NTNG1: variants seen among roughly 807,000 people sequenced by gnomAD.
NTNG1 encodes netrin-G1.
A neutral mutation model predicts 54.0 loss-of-function variants in NTNG1; 16 were observed. The observed-to-expected ratio is 0.30, with a 90% CI of 0.20 to 0.45. The LOEUF is 0.45. Ranked by LOEUF, NTNG1 falls within the 20% of genes least tolerant of loss-of-function variation. The pLI, the probability that NTNG1 is intolerant of heterozygous loss-of-function variation, is 1.00. For synonymous variants in NTNG1, 255 were observed against 263.1 expected, an observed-to-expected ratio of 0.97 and a Z score of 0.30; for missense variants, 530 against 678.7, an observed-to-expected ratio of 0.78 and a Z score of 2.43.
At chr1:107,216,822 C>G (rs1659993851) in intron 2 of NTNG1, among the ~76,000 whole-genome samples, 1 of 152,010 alleles carries the variant, frequency 6.6e-6, no homozygotes, top group African/African-American at 2.4e-5. Context: ...GGACTACAGG[C>G]ATGTACCACC....
chr1:107,148,493 G>T lies in NTNG1; in HGVS notation c.-101G>T, dbSNP rs1295094066. 1 of 1,077,998 alleles carries T rather than the reference G, an allele frequency of 9.3e-7. No homozygotes were observed. 66.8% of individuals were successfully genotyped at this position (1,077,998 alleles called of 1,614,324 possible). ...AATACAGAGACCTACCTACCCGTACGCATACATACATATGTGTATATATAT... is the reference window on the plus strand; with the variant it reads ...AATACAGAGACCTACCTACCCGTACTCATACATACATATGTGTATATATAT... On this transcript the variant is annotated 5_prime_UTR_variant, in exon 2 of 8. Coordinates refer to ENST00000370068, the MANE Select transcript of NTNG1 (RefSeq NM_001113226.3).
intron 3 of NTNG1, among the ~76,000 whole-genome samples, chr1:107,355,759 G>A (rs1669900294): frequency 6.6e-6 from 1 of 151,986 alleles, no homozygotes; most frequent in African/African-American, 2.4e-5. Flanking sequence ...TTTATTTAGG[G>A]TTATCTTTGA....
intron 2 of NTNG1, among the ~76,000 whole-genome samples, chr1:107,322,624 G>C (rs1667720040): frequency 6.6e-6 from 1 of 151,956 alleles, no homozygotes; most frequent in Admixed American, 6.6e-5. Flanking sequence ...TAATAAATTT[G>C]GTGATTTATT....
At chr1:107,247,095 A>G (rs146889474) in intron 2 of NTNG1, among the ~76,000 whole-genome samples, 1 of 152,332 alleles carries the variant, frequency 6.6e-6, no homozygotes, top group East Asian at 1.9e-4. Context: ...CTCTGGTGGA[A>G]GAAGCCGAAA....
intron 2 of NTNG1, among the ~76,000 whole-genome samples, chr1:107,295,150 T>C (rs779366418): frequency 2.0e-5 from 3 of 152,234 alleles, no homozygotes; most frequent in Non-Finnish European, 2.9e-5. Flanking sequence ...GAAGAATCAC[T>C]TGTGCTCTTG....
chr1:107,420,374 G>C (rs1674496092), intron 5 of NTNG1, among the ~76,000 whole-genome samples: 1 of 152,048 alleles, frequency 6.6e-6, no homozygotes, highest in South Asian at 2.1e-4. Context: ...CCAGTTCTAT[G>C]CAGCCATAAT....
chr1:107,142,368 G>C (rs1269828239), intron 1 of NTNG1, among the ~76,000 whole-genome samples: 2 of 151,704 alleles, frequency 1.3e-5, no homozygotes, highest in Non-Finnish European at 2.9e-5. Flanking sequence ...CAGGGCAAGG[G>C]AAGAAAATTC....
intron 2 of NTNG1, among the ~76,000 whole-genome samples, chr1:107,282,722 G>A (rs2101733185): frequency 6.6e-6 from 1 of 152,214 alleles, no homozygotes; most frequent in Non-Finnish European, 1.5e-5. Context: ...CTGTCCTTCA[G>A]TCTCATTCAG....
chr1:107,262,322 T>G (rs1346257608), intron 2 of NTNG1, among the ~76,000 whole-genome samples: 1 of 152,138 alleles, frequency 6.6e-6, no homozygotes, highest in Non-Finnish European at 1.5e-5. Context: ...TGGAGTCTTT[T>G]GTGGGTAATG....
chr1:107,223,630 A>G (rs1326593679), intron 2 of NTNG1, among the ~76,000 whole-genome samples: 1 of 152,154 alleles, frequency 6.6e-6, no homozygotes, highest in Non-Finnish European at 1.5e-5. Context: ...CTTTTCATCA[A>G]TGGTATTTAT....
At chr1:107,339,196 A>G (rs1454226164) in intron 3 of NTNG1, among the ~76,000 whole-genome samples, 2 of 151,956 alleles carry the variant, frequency 1.3e-5, no homozygotes, top group African/African-American at 2.4e-5. Flanking sequence ...GGGGCTCTCA[A>G]ATTCTCTTTG....
intron 2 of NTNG1, among the ~76,000 whole-genome samples, chr1:107,235,422 G>A (rs574469371): frequency 2.0e-5 from 3 of 152,278 alleles, no homozygotes; most frequent in Admixed American, 2.0e-4. Flanking sequence ...GCCACATACT[G>A]GTAGGAACAT....
intron 2 of NTNG1, among the ~76,000 whole-genome samples, chr1:107,167,439 T>C (rs1655884955): frequency 1.3e-5 from 2 of 151,980 alleles, no homozygotes; most frequent in South Asian, 4.1e-4. Context: ...ATATTTATTA[T>C]ACTAATAACT....
At chr1:107,274,803 T>C (rs1000937089) in intron 2 of NTNG1, among the ~76,000 whole-genome samples, 5 of 152,204 alleles carry the variant, frequency 3.3e-5, no homozygotes, top group Admixed American at 2.0e-4. Flanking sequence ...TGGAATACTG[T>C]TAAAATTATT....
At chr1:107,302,565 AT>A (rs1666390306) in intron 2 of NTNG1, among the ~76,000 whole-genome samples, 3 of 151,722 alleles carry the variant, frequency 2.0e-5, no homozygotes, top group East Asian at 1.9e-4. Flanking sequence ...AAAGATGTAC[AT>A]TTTTTTTCAG....
At chr1:107,307,955 G>A (rs1666784555) in intron 2 of NTNG1, among the ~76,000 whole-genome samples, 2 of 151,456 alleles carry the variant, frequency 1.3e-5, no homozygotes, top group African/African-American at 2.4e-5. Context: ...ATATTGTTGG[G>A]CCCACTTAGG....
intron 3 of NTNG1, among the ~76,000 whole-genome samples, chr1:107,371,111 G>A (rs1454327818): frequency 3.3e-5 from 5 of 152,004 alleles, no homozygotes; most frequent in East Asian, 1.9e-4. Context: ...ATAGGTGTTC[G>A]TTTATCATTC....
At chr1:107,152,035 T>TACATATATACATACATATATAC (rs1403976009) in intron 2 of NTNG1, among the ~76,000 whole-genome samples, 2 of 151,572 alleles carry the variant, frequency 1.3e-5, no homozygotes, top group Non-Finnish European at 2.9e-5. Context: ...TATATATACA[T>TACATATATACATACATATATAC]ACATATATAC....
At chr1:107,431,738 A>G (rs760541708) in intron 6 of NTNG1, among the ~76,000 whole-genome samples, 7 of 152,166 alleles carry the variant, frequency 4.6e-5, no homozygotes, top group Non-Finnish European at 5.9e-5. Flanking sequence ...TCACTTCATA[A>G]TTCACTCTGA....
Sources: allele counts gnomAD v4.1 joint callset (sites outside exome capture counted in the v4.1 genomes callset), GRCh38; gene constraint gnomAD v4.1.1; transcripts MANE v1.5; gene names NCBI Gene and HGNC (gene_info 2026-07-23, HGNC 2026-07-21).